The following MCM10 variants were observed in gnomAD, a reference collection of about 807,000 sequenced individuals.
MCM10 encodes protein MCM10 homolog.
In MCM10, 91 loss-of-function variants were observed where a neutral mutation model predicts 109.9. The ratio of observed to expected loss-of-function variants is 0.83; its 90% CI spans 0.70 to 0.99. The LOEUF (loss-of-function observed/expected upper bound fraction) is 0.99. Ranked by LOEUF, MCM10 falls within the 50% of genes least tolerant of loss-of-function variation. The pLI, the probability that MCM10 is intolerant of heterozygous loss-of-function variation, is 0.00. For missense variants in MCM10, 1,077 were observed against 1,061.2 expected (o/e 1.01, Z -0.21); for synonymous variants, 380 against 387.2 (o/e 0.98, Z 0.22).
intron 8 of MCM10, among the ~76,000 whole-genome samples, chr10:13,184,932 C>T (rs1331208751): frequency 1.3e-5 from 2 of 152,162 alleles, no homozygotes; most frequent in Non-Finnish European, 2.9e-5. Context: ...TCTACTATTT[C>T]CAGATCTGGT....
In MCM10 at chr10:13,197,769, T is replaced by G. The variant is rs1450958826; in HGVS notation, c.2119+2T>G. 2 of 1,607,576 alleles carry G rather than the reference T, an allele frequency of 1.2e-6. No individual in the cohort carries two copies. The highest frequency in any genetic ancestry group is 3.4e-5 in the Admixed American group (2 of 58,110). Reference sequence around the variant, plus strand: ...AAAACACCATGTTTTCTTCTCAAGGTACTGCAGTTTCACAGTTAACAGTGG... The same window carrying G: ...AAAACACCATGTTTTCTTCTCAAGGGACTGCAGTTTCACAGTTAACAGTGG... On this transcript the variant is annotated splice_donor_variant, in intron 15 of 19. Coordinates refer to ENST00000378714, the MANE Select transcript of MCM10 (RefSeq NM_018518.5). LOFTEE classifies it high-confidence loss of function.
intron 15 of MCM10, 63 bp downstream of exon 15, chr10:13,197,830 A>C: frequency 1.3e-6 from 2 of 1,533,306 alleles, no homozygotes; most frequent in Non-Finnish European, 1.8e-6. Context: ...ATATGTTCTA[A>C]ACCCAAACCA....
intron 14 of MCM10, among the ~76,000 whole-genome samples, chr10:13,196,285 G>A (rs1380414163): frequency 6.6e-6 from 1 of 152,114 alleles, no homozygotes; most frequent in Non-Finnish European, 1.5e-5. Context: ...CTGAAGTAGG[G>A]GTAGGGCACC....
In MCM10 at chr10:13,210,574, GT is replaced by G. The variant is rs1834648111; in HGVS notation, c.*1266del. Reference sequence around the variant, plus strand: ...TTTTGGGAGGTTGTTGTGGGAGATGGTTGATTTAGGTTTTCAAAAGCTAGAA... The same window carrying G: ...TTTTGGGAGGTTGTTGTGGGAGATGGTGATTTAGGTTTTCAAAAGCTAGAA... On this transcript the variant is annotated 3_prime_UTR_variant, in exon 20 of 20. Coordinates refer to ENST00000378714, the MANE Select transcript of MCM10 (RefSeq NM_018518.5). 6.6e-6 allele frequency: 1 copy of G among 152,144 alleles called. No individual in the cohort carries two copies. The allele number at this position is 152,144 out of a possible 1,614,324, so 9.4% of individuals were successfully genotyped here.
chr10:13,161,755 A>C (rs1564377345), intron 1 of MCM10, 149 bp downstream of exon 1: 1 of 152,264 alleles, frequency 6.6e-6, no homozygotes, highest in Non-Finnish European at 1.5e-5. Flanking sequence ...ATTTGGCGGC[A>C]GCTTGGGACC....
Position 13,209,533 on chromosome 10 carries a change from A to G in MCM10, c.*223A>G, listed in dbSNP as rs939943135. 1 of 579,260 alleles carries G rather than the reference A, an allele frequency of 1.7e-6. No individual in the cohort carries two copies. Among genetic ancestry groups the G allele is most frequent in the African/African-American group, 1.9e-5 (1 of 53,480 alleles). The allele number at this position is 579,260 out of a possible 1,614,324, so 35.9% of individuals were successfully genotyped here. On this transcript the variant is annotated 3_prime_UTR_variant, in exon 20 of 20. Transcript: ENST00000378714. Reference sequence around the variant, plus strand: ...AAACCAAGTTATCATTGTCTTTTCTAAGCTCAGTGTGGATGATTGCATTAC... The same window carrying G: ...AAACCAAGTTATCATTGTCTTTTCTGAGCTCAGTGTGGATGATTGCATTAC...
At chr10:13,178,352 G>A (rs1834167900) in intron 6 of MCM10, among the ~76,000 whole-genome samples, 1 of 152,208 alleles carries the variant, frequency 6.6e-6, no homozygotes, top group Admixed American at 6.5e-5. Context: ...GCCTCCCAAA[G>A]TGCTGGGATT....
At chr10:13,161,771 G>C (rs1833929872) in intron 1 of MCM10, among the ~76,000 whole-genome samples, 165 bp downstream of exon 1, 1 of 152,206 alleles carries the variant, frequency 6.6e-6, no homozygotes, top group Non-Finnish European at 1.5e-5. Context: ...GGACCGCTCG[G>C]AGCTGGCATG....
rs1834655613 is a variant in MCM10, at chr10:13,211,049, AT to A, written c.*1740del. 6.6e-6 allele frequency: 1 copy of A among 152,166 alleles called. No homozygotes were observed. Among genetic ancestry groups the A allele is most frequent in the Non-Finnish European group, 1.5e-5 (1 of 68,032 alleles). The allele number at this position is 152,166 out of a possible 1,614,324, so 9.4% of individuals were successfully genotyped here. On this transcript the variant is annotated 3_prime_UTR_variant, in exon 20 of 20. Transcript: ENST00000378714. ...CTTGTAAAGGCTGAGGGTGAGCTGT[AT>A]CTGGATGCCTTTTTACAATTTGATT...
intron 13 of MCM10, 29 bp downstream of exon 13, chr10:13,192,597 C>T (rs1281507700): frequency 1.3e-6 from 2 of 1,597,232 alleles, no homozygotes; most frequent in East Asian, 2.2e-5. Context: ...ATATTCCCCG[C>T]TTGGGTCATC....
At chr10:13,175,470 C>T (rs1834128865) in intron 5 of MCM10, 40 bp from the exon 6 acceptor site, 2 of 1,545,876 alleles carry the variant, frequency 1.3e-6, no homozygotes, top group Non-Finnish European at 1.8e-6. Context: ...TCGTGATTAT[C>T]AGTGTGGTTG....
rs753597116 is a variant in MCM10 at position 13,171,230 on chromosome 10, C to G, written c.316C>G (p.Pro106Ala). ...TENRVLPAPA[P>A]RREKTNEELQ... The stretch of plus-strand genomic sequence containing the variant: ...AAATAGGGTCCTCCCTGCTCCTGCC[C>G]CCAGGCGAGAGAAAACGAATGAAGA... Residue 106 changes from proline to alanine, a missense_variant, in exon 3 of 20, where the codon CCC becomes GCC. Coordinates refer to ENST00000378714, the MANE Select transcript of MCM10 (RefSeq NM_018518.5). 1 of 1,612,162 alleles carries G rather than the reference C, an allele frequency of 6.2e-7. No individual in the cohort carries two copies. The highest frequency in any genetic ancestry group is 8.5e-7 in the Non-Finnish European group (1 of 1,179,180).
At chr10:13,197,099 A>G (rs1834431560) in intron 14 of MCM10, among the ~76,000 whole-genome samples, 1 of 151,128 alleles carries the variant, frequency 6.6e-6, no homozygotes. Context: ...CTAATTTTGT[A>G]CCATGCCCAG....
At position 13,201,496 on chromosome 10, in the gene MCM10, A is replaced by G. The variant is rs754379931; in HGVS notation, c.2314A>G (p.Ile772Val). 1.2e-6 allele frequency: 2 copies of G among 1,612,606 alleles called. No individual in the cohort carries two copies. Among genetic ancestry groups the G allele is most frequent in the Admixed American group, 1.7e-5 (1 of 59,844 alleles). ...ACAAATGGAAGAAAAGATGAGAAAC[A>G]TCAGAGAAGTGAAGTGCCGTGTCGT... Reference protein sequence around the residue: ...KEQMEEKMRNIREVKCRVVTC... With the variant: ...KEQMEEKMRNVREVKCRVVTC... The change falls in exon 17 of 20, where the codon ATC (isoleucine) becomes GTC (valine). Residue 772 changes from isoleucine (I) to valine (V), a missense_variant. By Grantham distance (29) the Ile-to-Val change is conservative (BLOSUM62 3). Transcript: ENST00000378714.
chr10:13,183,288 T>A (rs977558753), intron 8 of MCM10, among the ~76,000 whole-genome samples, 188 bp downstream of exon 8: 1 of 152,106 alleles, frequency 6.6e-6, no homozygotes, highest in Non-Finnish European at 1.5e-5. Context: ...GAGAACCCCA[T>A]CTCTACAAAA....
intron 9 of MCM10, among the ~76,000 whole-genome samples, chr10:13,187,939 G>A (rs1564387725): frequency 6.6e-6 from 1 of 152,184 alleles, no homozygotes. Flanking sequence ...GAGGCCAGGA[G>A]TTCAAGACCA....
At chr10:13,164,999 A>G (rs972790119) in intron 2 of MCM10, among the ~76,000 whole-genome samples, 33 of 152,256 alleles carry the variant, frequency 2.2e-4, no homozygotes, top group Middle Eastern at 3.4e-3. Context: ...AACATATTAC[A>G]CTTTGCCCTT....
intron 11 of MCM10, among the ~76,000 whole-genome samples, chr10:13,191,735 A>G (rs1282422154): frequency 1.3e-5 from 2 of 152,126 alleles, no homozygotes; most frequent in Non-Finnish European, 2.9e-5. Context: ...CAGCATATTG[A>G]TTTTAGCTAT....
intron 10 of MCM10, among the ~76,000 whole-genome samples, chr10:13,189,996 T>C (rs1834327215): frequency 6.6e-6 from 1 of 152,094 alleles, no homozygotes; most frequent in African/African-American, 2.4e-5. Context: ...AAAAGAAAAA[T>C]CTCTTAATGT....
Sources: gnomAD v4.1 joint callset for allele counts (sites outside exome capture counted in the v4.1 genomes callset) on GRCh38, gnomAD v4.1.1 for gene constraint, MANE v1.5 for transcripts, NCBI Gene and HGNC (gene_info 2026-07-23, HGNC 2026-07-21) for gene names.